The following EDAR variants were observed in gnomAD, a reference collection of about 807,000 sequenced individuals.
EDAR encodes the protein ectodysplasin A receptor.
In EDAR, 38 loss-of-function variants were observed where a neutral mutation model predicts 51.3. The ratio of observed to expected loss-of-function variants is 0.74; its 90% CI spans 0.57 to 0.97. The LOEUF (loss-of-function observed/expected upper bound fraction) is 0.97. Ranked by LOEUF, EDAR falls within the 50% of genes least tolerant of loss-of-function variation. The pLI is 0.00. For synonymous variants in EDAR, 227 were observed against 242.1 expected, an observed-to-expected ratio of 0.94 and a Z score of 0.58; for missense variants, 528 against 595.0, an observed-to-expected ratio of 0.89 and a Z score of 1.17.
intron 1 of EDAR, among the ~76,000 whole-genome samples, chr2:108,935,906 G>A (rs1357157844): frequency 1.3e-5 from 2 of 152,144 alleles, no homozygotes; most frequent in African/African-American, 4.8e-5. Context: ...TCCTCTCTGA[G>A]CTGCTCGCCT....
chr2:108,978,959 G>A (rs1010597887), intron 1 of EDAR, among the ~76,000 whole-genome samples: 9 of 152,296 alleles, frequency 5.9e-5, no homozygotes, highest in East Asian at 1.9e-4. Flanking sequence ...CCATTAACCC[G>A]GGAAAGTTCT....
Position 108,981,734 on chromosome 2 carries a change from G to A in EDAR, c.-19+7226C>T, listed in dbSNP as rs183038051. Among the ~76,000 whole-genome samples the A allele has an allele frequency of 5.3e-5, 8 of 152,246 alleles. No individual in the cohort carries two copies. The East Asian group carries it at 9.6e-4, about 18-fold the overall frequency. ...ATCATCCCAGCTCTCATTTCTGAAC[G>A]AGCCCATGGAAACGACAGCAAGGCG... On this transcript the variant is annotated intron_variant, in intron 1 of 11. Coordinates refer to ENST00000258443, the MANE Select transcript of EDAR (RefSeq NM_022336.4).
chr2:108,979,369 G>A (rs1055670874), intron 1 of EDAR, among the ~76,000 whole-genome samples: 1 of 152,002 alleles, frequency 6.6e-6, no homozygotes, highest in African/African-American at 2.4e-5. Flanking sequence ...GCTGCCCCCT[G>A]CCCCACCACT....
chr2:108,911,944 T>C (rs142187251), intron 6 of EDAR, among the ~76,000 whole-genome samples: 1 of 152,290 alleles, frequency 6.6e-6, no homozygotes, highest in East Asian at 1.9e-4. Flanking sequence ...CTGGATGACA[T>C]AAGTGTTTTA....
At chr2:108,939,183 T>G (rs1697539762) in intron 1 of EDAR, among the ~76,000 whole-genome samples, 1 of 151,998 alleles carries the variant, frequency 6.6e-6, no homozygotes, top group Non-Finnish European at 1.5e-5. Context: ...TTCCATTTGT[T>G]GTTGTTGTTT....
chr2:108,973,508 A>T (rs1558841441), intron 1 of EDAR, among the ~76,000 whole-genome samples: 3 of 152,158 alleles, frequency 2.0e-5, no homozygotes, highest in Admixed American at 1.3e-4. Context: ...CAAGGGCCTG[A>T]ACCCTGGCAG....
chr2:108,921,574 T>G (rs965869892), intron 5 of EDAR, among the ~76,000 whole-genome samples: 2 of 152,178 alleles, frequency 1.3e-5, no homozygotes, highest in East Asian at 3.8e-4. Flanking sequence ...CTGCCCAGAG[T>G]GGGGCTGCTG....
chr2:108,976,549 T>G (rs916146891), intron 1 of EDAR, among the ~76,000 whole-genome samples: 1 of 152,138 alleles, frequency 6.6e-6, no homozygotes, highest in African/African-American at 2.4e-5. Flanking sequence ...CCGTTTAACC[T>G]CCTCAAGGGC....
chr2:108,981,464 G>A (rs77666624), intron 1 of EDAR, among the ~76,000 whole-genome samples: 2,929 of 152,230 alleles, frequency 0.019, 70 homozygotes, highest in South Asian at 0.056. Context: ...TCTTGGCCTT[G>A]GGGATACAAA....
intron 1 of EDAR, among the ~76,000 whole-genome samples, chr2:108,949,478 T>C (rs977413206): frequency 6.6e-6 from 1 of 152,218 alleles, no homozygotes; most frequent in Non-Finnish European, 1.5e-5. Context: ...TAATATTGCC[T>C]ACTGCGTCCC....
chr2:108,940,012 T>C (rs1475806484), intron 1 of EDAR, among the ~76,000 whole-genome samples: 1 of 152,242 alleles, frequency 6.6e-6, no homozygotes, highest in African/African-American at 2.4e-5. Flanking sequence ...TCCTTAATCA[T>C]TGAAAGACAC....
At chr2:108,909,603 GGGCAGAGGCCT>G (rs1696877637) in intron 9 of EDAR, among the ~76,000 whole-genome samples, 1 of 152,216 alleles carries the variant, frequency 6.6e-6, no homozygotes, top group Non-Finnish European at 1.5e-5. Context: ...AGTGGCTGTC[GGGCAGAGGCCT>G]GGCAGGGGGG....
chr2:108,948,492 C>T (rs148368915), intron 1 of EDAR, among the ~76,000 whole-genome samples: 1,585 of 152,270 alleles, frequency 0.01, 23 homozygotes, highest in African/African-American at 0.036. Flanking sequence ...CTACCTGAGA[C>T]TGGGTAATTT....
intron 1 of EDAR, among the ~76,000 whole-genome samples, chr2:108,951,958 G>A (rs1446478553): frequency 1.3e-5 from 2 of 152,220 alleles, no homozygotes; most frequent in Admixed American, 6.5e-5. Context: ...TCTAATAAGA[G>A]GGCTTAGATC....
chr2:108,909,543 T>C (rs1354957986), intron 9 of EDAR, among the ~76,000 whole-genome samples: 1 of 152,236 alleles, frequency 6.6e-6, no homozygotes, highest in Non-Finnish European at 1.5e-5. Flanking sequence ...CTGTGCCCCA[T>C]CTGCCAAGGG....
Position 108,932,111 on chromosome 2 carries a change from G to A in EDAR, c.-18-1079C>T, listed in dbSNP as rs193022628. Among the ~76,000 whole-genome samples, 175 of 152,250 alleles carry A rather than the reference G, an allele frequency of 1.1e-3. 1 individual carries two copies. Among genetic ancestry groups the A allele is most frequent in the African/African-American group, 3.9e-3 (160 of 41,532 alleles). ...ATACCACACACAAAAACACCGTGAC[G>A]AACATATGCCATGATGCACAGGAAC... On this transcript the variant is annotated intron_variant, in intron 1 of 11. Coordinates refer to ENST00000258443, the MANE Select transcript of EDAR (RefSeq NM_022336.4).
chr2:108,947,713 T>C (rs1697740875), intron 1 of EDAR, among the ~76,000 whole-genome samples: 1 of 152,136 alleles, frequency 6.6e-6, no homozygotes, highest in African/African-American at 2.4e-5. Flanking sequence ...GGATGCAGGA[T>C]GCCAAGTCCT....
In EDAR at chr2:108,913,181, C is replaced by T. The variant is rs537259872; in HGVS notation, c.443-417G>A. On this transcript the variant is annotated intron_variant, in intron 5 of 11. Transcript: ENST00000258443. ...AGCCAGGATGGGCTCGATCTCCTGACCTTGTGATCTGCCCGCCTCGGCCTC... is the reference window on the plus strand; with the variant it reads ...AGCCAGGATGGGCTCGATCTCCTGATCTTGTGATCTGCCCGCCTCGGCCTC... 9.9e-5 allele frequency among the ~76,000 whole-genome samples: 15 copies of T among 152,194 alleles called. No homozygotes were observed. The East Asian group carries it at 2.1e-3, about 22-fold the overall frequency.
At chr2:108,910,389 C>T (rs1360733312) in intron 9 of EDAR, 71 bp downstream of exon 9, 2 of 1,300,222 alleles carry the variant, frequency 1.5e-6, no homozygotes, top group Non-Finnish European at 1.1e-6. Context: ...CTCGGCTGCA[C>T]CCTGGTTCCC....
Sources: allele counts gnomAD v4.1 joint callset (sites outside exome capture counted in the v4.1 genomes callset), GRCh38; gene constraint gnomAD v4.1.1; transcripts MANE v1.5; gene names NCBI Gene and HGNC (gene_info 2026-07-23, HGNC 2026-07-21).